The following PDE10A variants were observed in gnomAD, a reference collection of about 807,000 sequenced individuals.
The protein encoded by PDE10A is cAMP and cAMP-inhibited cGMP 3',5'-cyclic phosphodiesterase 10A.
PDE10A carries 39 observed loss-of-function variants against 97.7 expected under a neutral mutation model. The observed-to-expected ratio is 0.40, with a 90% CI of 0.31 to 0.52. PDE10A has a LOEUF of 0.52. PDE10A is among the 20% of genes least tolerant of loss of function. PDE10A has a pLI of 0.56. For synonymous variants in PDE10A, 371 were observed against 376.8 expected (o/e 0.98, Z 0.18); for missense variants, 731 against 1,047.8 (o/e 0.70, Z 4.17).
intron 2 of PDE10A, among the ~76,000 whole-genome samples, chr6:165,513,682 TTTTC>T (rs1349503972): frequency 1.3e-5 from 2 of 152,132 alleles, no homozygotes; most frequent in African/African-American, 4.8e-5. Flanking sequence ...TTCATTTCGA[TTTTC>T]TTTAATTTCT....
Position 165,416,233 on chromosome 6 carries a change from T to G in PDE10A, c.1845A>C (p.Glu615Asp). The change falls in exon 12 of 22, where the codon GAA (glutamate) becomes GAC (aspartate). Residue 615 changes from glutamate to aspartate, a missense_variant. Coordinates refer to ENST00000539869, the MANE Select transcript of PDE10A (RefSeq NM_001385079.1). ...GIAGQVARTG[E>D]VLNIPDAYAD... The stretch of plus-strand genomic sequence containing the variant: ...CATAGGCATCTGGAATGTTCAGGAC[T>G]TCCCCTGTTCTTGCTACTTGGCCAG... 1 of 1,613,710 alleles carries G rather than the reference T, an allele frequency of 6.2e-7. No individual in the cohort carries two copies. Among genetic ancestry groups the G allele is most frequent in the Non-Finnish European group, 8.5e-7 (1 of 1,179,608 alleles).
At chr6:165,780,309 G>A (rs1275854204) in intron 1 of PDE10A, 1 of 152,186 alleles carries the variant, frequency 6.6e-6, no homozygotes, top group African/African-American at 2.4e-5. Context: ...ATGCCAGTAT[G>A]TAATTAATAG....
intron 1 of PDE10A, among the ~76,000 whole-genome samples, chr6:165,740,765 T>C (rs2128453263): frequency 6.6e-6 from 1 of 152,304 alleles, no homozygotes; most frequent in Admixed American, 6.5e-5. Context: ...TGACCTCACT[T>C]ACACGTAGAA....
chr6:165,423,946 C>T (rs1307131850), intron 10 of PDE10A, among the ~76,000 whole-genome samples: 2 of 152,072 alleles, frequency 1.3e-5, no homozygotes, highest in African/African-American at 4.8e-5. Context: ...CCTCATTCCC[C>T]ACTTGTTTCC....
chr6:165,358,097 T>A (rs1783147730), intron 18 of PDE10A, among the ~76,000 whole-genome samples: 1 of 152,144 alleles, frequency 6.6e-6, no homozygotes, highest in African/African-American at 2.4e-5. Context: ...AGTATACTGT[T>A]TACTTTCCAA....
intron 1 of PDE10A, chr6:165,660,367 G>T (rs988163595): frequency 2.0e-5 from 3 of 152,878 alleles, no homozygotes; most frequent in East Asian, 1.9e-4. Flanking sequence ...CAGACACCGG[G>T]GGGGAGGACT....
At chr6:165,383,956 G>A (rs1401328564) in intron 17 of PDE10A, among the ~76,000 whole-genome samples, 1 of 152,020 alleles carries the variant, frequency 6.6e-6, no homozygotes, top group African/African-American at 2.4e-5. Flanking sequence ...CCGGCCAATG[G>A]CACAGGGTTA....
intron 1 of PDE10A, among the ~76,000 whole-genome samples, chr6:165,747,282 T>C (rs548471481): frequency 1.3e-5 from 2 of 152,154 alleles, no homozygotes; most frequent in Non-Finnish European, 2.9e-5. Context: ...GATTTTTAAG[T>C]GGTAGAGATA....
At chr6:165,818,213 T>G (rs1459157548) in intron 1 of PDE10A, among the ~76,000 whole-genome samples, 1 of 150,450 alleles carries the variant, frequency 6.6e-6, no homozygotes, top group Non-Finnish European at 1.5e-5. Flanking sequence ...TTCCATCTCC[T>G]CCTCCTTATT....
intron 1 of PDE10A, among the ~76,000 whole-genome samples, chr6:165,787,665 T>G (rs1030741415): frequency 6.6e-6 from 1 of 152,212 alleles, no homozygotes; most frequent in Non-Finnish European, 1.5e-5. Flanking sequence ...TTAACCATCA[T>G]TTTTTTCTTA....
intron 2 of PDE10A, among the ~76,000 whole-genome samples, chr6:165,521,430 C>G (rs1287490184): frequency 1.3e-5 from 2 of 152,164 alleles, no homozygotes. Context: ...GAAGGCACGT[C>G]AAAAGCTGGG....
intron 1 of PDE10A, among the ~76,000 whole-genome samples, chr6:165,870,062 C>T (rs1781158077): frequency 6.6e-6 from 1 of 152,088 alleles, no homozygotes; most frequent in African/African-American, 2.4e-5. Context: ...ACAAAGACTT[C>T]AAAACCACAG....
intron 13 of PDE10A, among the ~76,000 whole-genome samples, chr6:165,396,915 TATC>T (rs1347059466): frequency 6.6e-6 from 1 of 152,212 alleles, no homozygotes; most frequent in African/African-American, 2.4e-5. Context: ...GGGAAGGTTT[TATC>T]ATCATTACCT....
At chr6:165,865,471 T>TA (rs1301165924) in intron 1 of PDE10A, among the ~76,000 whole-genome samples, 6 of 151,648 alleles carry the variant, frequency 4.0e-5, no homozygotes, top group African/African-American at 7.3e-5. Flanking sequence ...ATGAAATGTT[T>TA]AAAAAAGAAT....
At chr6:165,817,896 G>A (rs1187981860) in intron 1 of PDE10A, among the ~76,000 whole-genome samples, 1 of 152,220 alleles carries the variant, frequency 6.6e-6, no homozygotes, top group East Asian at 1.9e-4. Context: ...ATATTTGCAA[G>A]ATGAAGGGCA....
At chr6:165,379,640 T>G (rs1468207991) in intron 17 of PDE10A, among the ~76,000 whole-genome samples, 1 of 152,178 alleles carries the variant, frequency 6.6e-6, no homozygotes, top group Non-Finnish European at 1.5e-5. Flanking sequence ...CCCCAGTGAT[T>G]TAAATATATC....
At chr6:165,425,432 A>G (rs557900294) in intron 10 of PDE10A, among the ~76,000 whole-genome samples, 2 of 152,164 alleles carry the variant, frequency 1.3e-5, no homozygotes, top group Non-Finnish European at 2.9e-5. Context: ...AGAATTCAAA[A>G]TAAAAACCAT....
At chr6:165,921,954 G>A (rs1356583563) in intron 1 of PDE10A, among the ~76,000 whole-genome samples, 1 of 152,188 alleles carries the variant, frequency 6.6e-6, no homozygotes, top group Non-Finnish European at 1.5e-5. Flanking sequence ...TAGAAGCTGA[G>A]GGGCCAGTTG....
intron 1 of PDE10A, among the ~76,000 whole-genome samples, chr6:165,898,970 C>A (rs1236749517): frequency 6.6e-6 from 1 of 152,198 alleles, no homozygotes; most frequent in Non-Finnish European, 1.5e-5. Context: ...GATCCAAAGG[C>A]CTTCGGGGAC....
Sources: gnomAD v4.1 joint callset for allele counts (sites outside exome capture counted in the v4.1 genomes callset) on GRCh38, gnomAD v4.1.1 for gene constraint, MANE v1.5 for transcripts, NCBI Gene and HGNC (gene_info 2026-07-23, HGNC 2026-07-21) for gene names.